BOC: variants seen among roughly 807,000 people sequenced by gnomAD.
BOC encodes the protein BOC cell adhesion associated, oncogene regulated.
BOC carries 76 observed loss-of-function variants against 112.0 expected under a neutral mutation model. That is an observed-to-expected ratio of 0.68 (90% CI 0.56 to 0.82). BOC has a LOEUF of 0.82. Ranked by LOEUF, BOC falls within the 40% of genes least tolerant of loss-of-function variation. The pLI is 0.00. For missense variants in BOC, 1,309 were observed against 1,511.7 expected, an observed-to-expected ratio of 0.87 and a Z score of 2.22; for synonymous variants, 580 against 599.8, an observed-to-expected ratio of 0.97 and a Z score of 0.48.
In BOC at chr3:113,270,788, G is replaced by A; in HGVS notation, c.524-13G>A. The A allele has an allele frequency of 6.2e-7, 1 of 1,601,606 alleles. No individual in the cohort carries two copies. The highest frequency in any genetic ancestry group is 2.2e-5 in the East Asian group (1 of 44,786). On this transcript the variant is annotated splice_polypyrimidine_tract_variant and intron_variant, in intron 5 of 19. Transcript: ENST00000682979. ...ACCCATCCCATCTTCCCCTGGCCCT[G>A]CCCTTTCCACAGGTAACTACCTGAT...
intron 2 of BOC, among the ~76,000 whole-genome samples, chr3:113,248,462 A>G (rs1462482010): frequency 6.6e-6 from 1 of 152,236 alleles, no homozygotes; most frequent in African/African-American, 2.4e-5. Flanking sequence ...TTTTGAATGT[A>G]TGTCACACTC....
At chr3:113,253,847 C>T (rs564297662) in intron 4 of BOC, among the ~76,000 whole-genome samples, 1 of 152,174 alleles carries the variant, frequency 6.6e-6, no homozygotes, top group African/African-American at 2.4e-5. Context: ...AATGCGTGTG[C>T]CCTTAAAGAG....
intron 15 of BOC, among the ~76,000 whole-genome samples, chr3:113,283,016 G>A (rs1949336048): frequency 6.6e-6 from 1 of 152,184 alleles, no homozygotes; most frequent in African/African-American, 2.4e-5. Flanking sequence ...CCAGCAGGTA[G>A]CACGCTCTTG....
chr3:113,285,110 C>T (rs142054033), intron 18 of BOC, among the ~76,000 whole-genome samples: 197 of 152,384 alleles, frequency 1.3e-3, no homozygotes, highest in African/African-American at 4.4e-3. Flanking sequence ...TCAGAAGCAC[C>T]CACCACAACT....
intron 4 of BOC, among the ~76,000 whole-genome samples, chr3:113,266,779 G>C (rs1426739263): frequency 6.6e-6 from 1 of 152,200 alleles, no homozygotes; most frequent in Non-Finnish European, 1.5e-5. Flanking sequence ...GTCTAATATT[G>C]TAATCAAAGG....
intron 4 of BOC, among the ~76,000 whole-genome samples, chr3:113,256,848 C>T (rs948466975): frequency 3.3e-5 from 5 of 151,948 alleles, no homozygotes; most frequent in African/African-American, 1.2e-4. Flanking sequence ...AAAGAGTTAG[C>T]TCATGCAGGC....
intron 4 of BOC, chr3:113,252,075 T>C (rs1945704566): frequency 6.6e-6 from 1 of 152,234 alleles, no homozygotes; most frequent in Non-Finnish European, 1.5e-5. Flanking sequence ...CTACTCATTG[T>C]ATGTATGGGC....
At chr3:113,265,761 G>A (rs372488886) in intron 4 of BOC, among the ~76,000 whole-genome samples, 1 of 152,192 alleles carries the variant, frequency 6.6e-6, no homozygotes. Context: ...TGAAAATGTA[G>A]GGTCCCTTGT....
chr3:113,279,180 T>TC (rs2107711046), intron 11 of BOC, 69 bp from the exon 12 acceptor site: 2 of 1,518,820 alleles, frequency 1.3e-6, no homozygotes, highest in Non-Finnish European at 1.8e-6. Context: ...TACAGCGTCA[T>TC]CTCACCCTGC....
chr3:113,223,647 A>G (rs1368571100), intron 2 of BOC, among the ~76,000 whole-genome samples: 2 of 151,726 alleles, frequency 1.3e-5, no homozygotes, highest in Non-Finnish European at 2.9e-5. Context: ...CCGCTGATCT[A>G]CTATTGTCTC....
At chr3:113,283,765 C>A in intron 16 of BOC, 133 bp downstream of exon 16, 1 of 802,290 alleles carries the variant, frequency 1.2e-6, no homozygotes, top group Non-Finnish European at 1.9e-6. Context: ...GGTCAGAGAA[C>A]ACCCAACGAC....
Position 113,273,335 on chromosome 3 carries a change from A to G in BOC, c.1228A>G (p.Arg410Gly). ...AHAVVQLRTS[R>G]PSITPRLWQD... ...TGCCGTAGTCCAGCTGCGGACCTCC[A>G]GGCCAAGTGAGTGTAGCCCAGGGGT... The change falls in exon 8 of 20, where the codon AGG becomes GGG. Residue 410 changes from arginine to glycine, a missense_variant. Transcript: ENST00000682979. 2 of 1,588,626 alleles carry G rather than the reference A, an allele frequency of 1.3e-6. No homozygotes were observed. The highest frequency in any genetic ancestry group is 1.1e-5 in the South Asian group (1 of 90,210).
chr3:113,267,541 C>G (rs1335285457), intron 4 of BOC, among the ~76,000 whole-genome samples: 1 of 152,156 alleles, frequency 6.6e-6, no homozygotes, highest in Middle Eastern at 3.2e-3. Context: ...GCAGATTCCT[C>G]TTTGTCTTAG....
At chr3:113,236,790 G>A (rs1215916135) in intron 2 of BOC, among the ~76,000 whole-genome samples, 1 of 152,206 alleles carries the variant, frequency 6.6e-6, no homozygotes, top group Non-Finnish European at 1.5e-5. Context: ...CATTGCCACT[G>A]CATTAAATCA....
At chr3:113,232,719 A>C (rs940467405) in intron 2 of BOC, among the ~76,000 whole-genome samples, 1 of 152,220 alleles carries the variant, frequency 6.6e-6, no homozygotes, top group African/African-American at 2.4e-5. Context: ...TTTTTTGTGA[A>C]GTACTGGGGA....
chr3:113,272,513 C>T lies in BOC; in HGVS notation c.771C>T (p.Ile257=), dbSNP rs1287956246. 1.9e-6 allele frequency: 3 copies of T among 1,614,084 alleles called. No individual in the cohort carries two copies. The highest frequency in any genetic ancestry group is 2.5e-6 in the Non-Finnish European group (3 of 1,180,002). Reference sequence around the variant, plus strand: ...TTCTGGAGTGTGTGGCCAGTGGAATCCCACCCCCACGGGTCACCTGGGCCA... The same window carrying T: ...TTCTGGAGTGTGTGGCCAGTGGAATTCCACCCCCACGGGTCACCTGGGCCA... ...SLILECVASG[I]PPPRVTWAKD... Residue 257 remains isoleucine (I), a synonymous_variant, in exon 7 of 20, where the codon ATC becomes ATT. Coordinates refer to ENST00000682979, the MANE Select transcript of BOC (RefSeq NM_001378074.1).
At chr3:113,272,906 T>G (rs1376570052) in intron 7 of BOC, among the ~76,000 whole-genome samples, 163 bp from the exon 8 acceptor site, 3 of 152,014 alleles carry the variant, frequency 2.0e-5, no homozygotes, top group African/African-American at 7.2e-5. Flanking sequence ...GTCATGATTC[T>G]GATGGTGGAG....
chr3:113,277,998 C>T (rs910256007), intron 9 of BOC, 97 bp from the exon 10 acceptor site: 20 of 1,473,522 alleles, frequency 1.4e-5, no homozygotes, highest in Non-Finnish European at 1.9e-5. Flanking sequence ...TCCCCTTCTC[C>T]TGCCCTCTTG....
intron 19 of BOC, 141 bp downstream of exon 19, chr3:113,285,706 A>T: frequency 1.1e-6 from 1 of 885,812 alleles, no homozygotes. Context: ...GGGATGGGGC[A>T]TCGAGGGTGG....
Sources: allele counts gnomAD v4.1 joint callset (sites outside exome capture counted in the v4.1 genomes callset), GRCh38; gene constraint gnomAD v4.1.1; transcripts MANE v1.5; gene names NCBI Gene and HGNC (gene_info 2026-07-23, HGNC 2026-07-21).